MFSD6: variants seen among roughly 807,000 people sequenced by gnomAD.
The protein encoded by MFSD6 is major facilitator superfamily domain containing 6, also known as major facilitator superfamily domain-containing protein 6.
In MFSD6, 26 loss-of-function variants were observed where a neutral mutation model predicts 56.3. The ratio of observed to expected loss-of-function variants is 0.46; its 90% confidence interval spans 0.34 to 0.64. MFSD6 has a LOEUF of 0.64. Among genes scored for constraint, MFSD6 ranks in the 30% least tolerant of loss-of-function variants. The probability of loss-of-function intolerance (pLI) is 0.01; values close to 1 mark genes in which losing one functional copy is unlikely to be tolerated. For synonymous variants in MFSD6, 331 were observed against 366.9 expected, an observed-to-expected ratio of 0.90 and a Z score of 1.12; for missense variants, 750 against 986.2, an observed-to-expected ratio of 0.76 and a Z score of 3.21.
Position 190,469,911 on chromosome 2 carries a change from A to C in MFSD6, c.1630+56A>C. ...CTCTGCCTTCCCTGAGCTGTGGCTA[A>C]AAGCCCAGTGGCCTTCAGCATCTGA... On this transcript the variant is annotated intron_variant, in intron 4 of 7. Coordinates refer to ENST00000392328, the MANE Select transcript of MFSD6 (RefSeq NM_017694.4). This position sits in a 1 kb window ranked among gnomAD's most constrained non-coding sequence, Gnocchi z 5.3. 7.7e-7 allele frequency: 1 copy of C among 1,290,366 alleles called. No individual in the cohort carries two copies. Among genetic ancestry groups the C allele is most frequent in the South Asian group, 1.2e-5 (1 of 80,330 alleles). 79.9% of individuals were successfully genotyped at this position (1,290,366 alleles called of 1,614,324 possible). A position where few individuals can be genotyped will look rare whatever the true frequency, so the allele number is the denominator to read the frequency against.
chr2:190,500,071 TGA>T lies in MFSD6; in HGVS notation c.2232_2233del (p.Glu744AspfsTer4), dbSNP rs1393595382. On this transcript the variant is annotated frameshift_variant, in exon 8 of 8. Transcript: ENST00000392328. LOFTEE classifies it low-confidence loss of function (END_TRUNC). This position sits in a 1 kb window ranked among gnomAD's most constrained non-coding sequence, Gnocchi z 5.3. The stretch of plus-strand genomic sequence containing the variant: ...CTGGTAGAGCCCAGCCTGTCCCATG[TGA>T]GACTCACTCTGACCCATCTAGAAAC... ...PAGRAQPVPC[E>X]THSDPSRNQP... The T allele has an allele frequency of 1.2e-6, 2 of 1,614,098 alleles. No homozygotes were observed. Among genetic ancestry groups the T allele is most frequent in the African/African-American group, 2.7e-5 (2 of 74,942 alleles).
chr2:190,435,951 G>A, intron 2 of MFSD6, 26 bp from the exon 3 acceptor site: 1 of 1,496,490 alleles, frequency 6.7e-7, no homozygotes, highest in South Asian at 1.4e-5. Context: ...TCATTACTAA[G>A]CCATCTTTTA....
Position 190,459,097 on chromosome 2 carries a change from G to A in MFSD6, c.1533-10661G>A, listed in dbSNP as rs1467295237. Among the ~76,000 whole-genome samples the A allele has an allele frequency of 6.6e-6, 1 of 152,150 alleles. No individual in the cohort carries two copies. The highest frequency in any genetic ancestry group is 2.4e-5 in the African/African-American group (1 of 41,432). On this transcript the variant is annotated intron_variant, in intron 3 of 7. Transcript: ENST00000392328. The surrounding 1 kb of genome is among the most constrained non-coding windows in gnomAD (Gnocchi z 5.3). ...GCAGCTTTGCTTCTCCAACTCCCTA[G>A]GGGTTTCTCCCAGAACATCCTATCC...
chr2:190,472,790 T>A (rs1051834485), intron 4 of MFSD6, among the ~76,000 whole-genome samples: 2 of 152,128 alleles, frequency 1.3e-5, no homozygotes, highest in Non-Finnish European at 2.9e-5. Flanking sequence ...ATTGTCAGAT[T>A]CACCAAAGTT....
At position 190,479,910 on chromosome 2, in the gene MFSD6, G is replaced by A. The variant is rs149505441; in HGVS notation, c.1631-8747G>A. 7.7e-3 allele frequency among the ~76,000 whole-genome samples: 1,174 copies of A among 152,204 alleles called. 51 individuals are homozygous for A. The highest frequency in any genetic ancestry group is 0.014 in the East Asian group (71 of 5,186). ...GGACTTGAGCTGACATTTATAAAGC[G>A]TTATTCTGTTTGTCTTATTTAGCAT... On this transcript the variant is annotated intron_variant, in intron 4 of 7. Transcript: ENST00000392328.
rs1687732181 is a variant in MFSD6, at chr2:190,468,604, C to T, written c.1533-1154C>T. On this transcript the variant is annotated intron_variant, in intron 3 of 7. Coordinates refer to ENST00000392328, the MANE Select transcript of MFSD6 (RefSeq NM_017694.4). Reference sequence around the variant, plus strand: ...AGTAGCTGGGACTATAGGTGTGTGCCACCAAGCCTGGCTAATTTTTTTTTT... The same window carrying T: ...AGTAGCTGGGACTATAGGTGTGTGCTACCAAGCCTGGCTAATTTTTTTTTT... Among the ~76,000 whole-genome samples the T allele has an allele frequency of 2.0e-5, 3 of 148,764 alleles. No homozygotes were observed. In the South Asian group the frequency reaches 6.4e-4, roughly 32 times the overall value.
Position 190,454,653 on chromosome 2 carries a change from C to G in MFSD6, c.1533-15105C>G, listed in dbSNP as rs940710714. 3.3e-5 allele frequency: 5 copies of G among 152,200 alleles called. No homozygotes were observed. The highest frequency in any genetic ancestry group is 1.2e-4 in the African/African-American group (5 of 41,430). The allele number at this position is 152,200 out of a possible 1,614,324, so 9.4% of individuals were successfully genotyped here. On this transcript the variant is annotated intron_variant, in intron 3 of 7. Transcript: ENST00000392328. The surrounding 1 kb of genome is among the most constrained non-coding windows in gnomAD (Gnocchi z 4.6). ...AACCCAGACATGCTGGTATCCTATT[C>G]TCAGATTTCCAGCTCCAGAACTATA...
chr2:190,463,023 A>G lies in MFSD6; in HGVS notation c.1533-6735A>G, dbSNP rs1358125551. Among the ~76,000 whole-genome samples, 4 of 152,170 alleles carry G rather than the reference A, an allele frequency of 2.6e-5. No individual in the cohort carries two copies. The highest frequency in any genetic ancestry group is 5.9e-5 in the Non-Finnish European group (4 of 68,024). ...TCAAACCAGCCAGTCCTGGAGTGGG[A>G]CACAGGATGCAGGAGATGCCATGGA... On this transcript the variant is annotated intron_variant, in intron 3 of 7. Coordinates refer to ENST00000392328, the MANE Select transcript of MFSD6 (RefSeq NM_017694.4). This position sits in a 1 kb window ranked among gnomAD's most constrained non-coding sequence, Gnocchi z 4.4.
chr2:190,408,449 C>G lies in MFSD6; in HGVS notation c.-230C>G, dbSNP rs1326877622. ...CGCCCCGAGCCGCCGCCCCGTGCTCCGGGGACAGGGCTCCCCGCGCCCCGC... is the reference window on the plus strand; with the variant it reads ...CGCCCCGAGCCGCCGCCCCGTGCTCGGGGGACAGGGCTCCCCGCGCCCCGC... On this transcript the variant is annotated 5_prime_UTR_variant, in exon 1 of 8. Coordinates refer to ENST00000392328, the MANE Select transcript of MFSD6 (RefSeq NM_017694.4). 6.6e-6 allele frequency: 1 copy of G among 151,152 alleles called. No homozygotes were observed. The highest frequency in any genetic ancestry group is 1.5e-5 in the Non-Finnish European group (1 of 67,636). The allele number at this position is 151,152 out of a possible 1,614,324, so 9.4% of individuals were successfully genotyped here.
chr2:190,441,753 C>G (rs1023505684), intron 3 of MFSD6, among the ~76,000 whole-genome samples: 1 of 152,086 alleles, frequency 6.6e-6, no homozygotes, highest in African/African-American at 2.4e-5. Flanking sequence ...CCTCTGTGAG[C>G]TGCTGCGTCT....
At chr2:190,411,037 A>G (rs1302595844) in intron 1 of MFSD6, 3 of 840,488 alleles carry the variant, frequency 3.6e-6, no homozygotes, top group Non-Finnish European at 4.3e-6. Flanking sequence ...CCTGGGCAAC[A>G]GAGCGAGACT....
In MFSD6 at chr2:190,490,549, C is replaced by T. The variant is rs1471095568; in HGVS notation, c.1891+683C>T. ...CTGCAGTCCAGCCTGGGGGAACGAG[C>T]AAGACTCCCTCTCAAAAAAAAAACA... On this transcript the variant is annotated intron_variant, in intron 6 of 7. Transcript: ENST00000392328. The surrounding 1 kb of genome is among the most constrained non-coding windows in gnomAD (Gnocchi z 4.5). Among the ~76,000 whole-genome samples the T allele has an allele frequency of 3.3e-5, 5 of 149,928 alleles. No individual in the cohort carries two copies. Among genetic ancestry groups the T allele is most frequent in the African/African-American group, 9.8e-5 (4 of 40,818 alleles).
At chr2:190,472,381 G>A (rs1206623803) in intron 4 of MFSD6, among the ~76,000 whole-genome samples, 1 of 152,178 alleles carries the variant, frequency 6.6e-6, no homozygotes, top group African/African-American at 2.4e-5. Flanking sequence ...CCAATGCAGA[G>A]AAGTCCTTAA....
intron 3 of MFSD6, among the ~76,000 whole-genome samples, chr2:190,466,032 G>A (rs984585021): frequency 5.3e-5 from 8 of 152,234 alleles, no homozygotes; most frequent in South Asian, 2.1e-4. Context: ...TCAATTGTCC[G>A]TAGGGTTGGT....
rs1312623168 is a variant in MFSD6 at position 190,501,269 on chromosome 2, A to G, written c.*1051A>G. ...AGGAAAAGGTGGTAAATAGGAAACC[A>G]TGAATGGGAAGGATGGCAATAAGTA... On this transcript the variant is annotated 3_prime_UTR_variant, in exon 8 of 8. Coordinates refer to ENST00000392328, the MANE Select transcript of MFSD6 (RefSeq NM_017694.4). The G allele has an allele frequency of 1.3e-5, 2 of 152,240 alleles. No homozygotes were observed. The highest frequency in any genetic ancestry group is 2.9e-5 in the Non-Finnish European group (2 of 68,044). The allele number at this position is 152,240 out of a possible 1,614,324, so 9.4% of individuals were successfully genotyped here.
chr2:190,444,814 A>C, intron 3 of MFSD6: 1 of 637,954 alleles, frequency 1.6e-6, no homozygotes, highest in Non-Finnish European at 1.9e-6. Context: ...TTCATTCAGA[A>C]ACAAGTGTTT....
Position 190,497,744 on chromosome 2 carries a change from A to C in MFSD6, c.2172+25A>C. 1 of 1,595,560 alleles carries C rather than the reference A, an allele frequency of 6.3e-7. No homozygotes were observed. Among genetic ancestry groups the C allele is most frequent in the Non-Finnish European group, 8.6e-7 (1 of 1,166,550 alleles). ...GGTACAGTTCCTTTGCTGGGCTAGC[A>C]ATATTACCTGTCACTCAAGATACCT... On this transcript the variant is annotated intron_variant, in intron 7 of 7. Transcript: ENST00000392328. This position sits in a 1 kb window ranked among gnomAD's most constrained non-coding sequence, Gnocchi z 5.2.
At chr2:190,477,331 C>A in intron 4 of MFSD6, 1 of 984,608 alleles carries the variant, frequency 1.0e-6, no homozygotes. Flanking sequence ...GGCTTAATTG[C>A]TTTATTTATT....
Position 190,488,746 on chromosome 2 carries a change from C to T in MFSD6, c.1720C>T (p.Leu574=), listed in dbSNP as rs1168650669. The change falls in exon 5 of 8, where the codon CTG becomes TTG. Residue 574 remains leucine, a synonymous_variant. Transcript: ENST00000392328. This position sits in a 1 kb window ranked among gnomAD's most constrained non-coding sequence, Gnocchi z 6.4. The part of the protein sequence containing the change: ...PELRTSAQGI[L]QGLHLGLGRG... Reference sequence around the variant, plus strand: ...GCTGAGGACATCTGCTCAGGGCATCCTGCAGGGCCTTCACCTGGGTTTGGG... The same window carrying T: ...GCTGAGGACATCTGCTCAGGGCATCTTGCAGGGCCTTCACCTGGGTTTGGG... 1.9e-5 allele frequency: 31 copies of T among 1,610,564 alleles called. No homozygotes were observed. Among genetic ancestry groups the T allele is most frequent in the Non-Finnish European group, 2.0e-5 (24 of 1,178,558 alleles).
Sources: allele counts gnomAD v4.1 joint callset (sites outside exome capture counted in the v4.1 genomes callset), GRCh38; gene constraint gnomAD v4.1.1; non-coding constraint Gnocchi (gnomAD v3.1); transcripts MANE v1.5; gene names NCBI Gene and HGNC (gene_info 2026-07-23, HGNC 2026-07-21).